The following CMTM4 variants were observed in gnomAD, a reference collection of about 807,000 sequenced individuals.
CMTM4 encodes CKLF like MARVEL transmembrane domain containing 4.
Under a neutral mutation model 19.0 loss-of-function variants are expected in CMTM4, and 8 were observed. The ratio of observed to expected loss-of-function variants is 0.42; its 90% CI spans 0.25 to 0.76. CMTM4 has a LOEUF of 0.76. Ranked by LOEUF, CMTM4 falls within the 30% of genes least tolerant of loss-of-function variation. The pLI, the probability that CMTM4 is intolerant of heterozygous loss-of-function variation, is 0.27. For missense variants in CMTM4, 228 were observed against 290.2 expected (o/e 0.79, Z 1.56); for synonymous variants, 106 against 121.1 (o/e 0.88, Z 0.82).
the CMTM4 span, among the ~76,000 whole-genome samples, chr16:66,602,051 A>G: frequency 1.3e-5 from 2 of 152,240 alleles, no homozygotes; most frequent in African/African-American, 2.4e-5. Flanking sequence ...CACGGCTGCC[A>G]TCAAAAGTGA....
chr16:66,683,133 ATATATATATATATG>A lies in CMTM4; in HGVS notation c.186+13193_186+13206del, dbSNP rs1261928392. Among the ~76,000 whole-genome samples the A allele has an allele frequency of 2.2e-4, 28 of 129,550 alleles. 1 individual carries two copies. The highest frequency in any genetic ancestry group is 1.8e-3 in the Admixed American group (21 of 11,658). 85.0% of individuals were successfully genotyped at this position (129,550 alleles called of 152,430 possible). ...GTTGTGTGTGTGTGTGTGTGTGTATATATATATATATATGTATATATATATACGTATATATATAT... is the reference window on the plus strand; with the variant it reads ...GTTGTGTGTGTGTGTGTGTGTGTATATATATATATATACGTATATATATAT... On this transcript the variant is annotated intron_variant, in intron 1 of 3. Transcript: ENST00000394106.
At position 66,683,169 on chromosome 16, in the gene CMTM4, A is replaced by ATACATG. The variant is rs1278881776; in HGVS notation, c.186+13170_186+13171insCATGTA. On this transcript the variant is annotated intron_variant, in intron 1 of 3. Transcript: ENST00000394106. ...TATGTATATATATATACGTATATAT[A>ATACATG]TATATACATATGTATATATATATAC... Among the ~76,000 whole-genome samples the ATACATG allele has an allele frequency of 2.5e-4, 21 of 84,416 alleles. No individual in the cohort carries two copies. The South Asian group carries it at 3.7e-3, about 15-fold the overall frequency. 55.4% of individuals were successfully genotyped at this position (84,416 alleles called of 152,430 possible).
chr16:66,600,136 G>GTGTT, the CMTM4 span, among the ~76,000 whole-genome samples: 12 of 135,162 alleles, frequency 8.9e-5, no homozygotes, highest in Middle Eastern at 3.9e-3. Context: ...GTGTGTGTGT[G>GTGTT]TTTTTTTTTG....
the CMTM4 span, chr16:66,608,385 T>G: frequency 6.2e-7 from 1 of 1,614,224 alleles, no homozygotes; most frequent in Non-Finnish European, 8.5e-7. The surrounding 1 kb of genome is among the most constrained non-coding windows in gnomAD (Gnocchi z 5.1). Context: ...CTGCTGGAGT[T>G]CCTGCTGGCC....
In CMTM4 at chr16:66,696,444, G is replaced by T; in HGVS notation, c.82C>A (p.Gln28Lys). 1 of 1,357,842 alleles carries T rather than the reference G, an allele frequency of 7.4e-7. No individual in the cohort carries two copies. The highest frequency in any genetic ancestry group is 9.5e-7 in the Non-Finnish European group (1 of 1,054,674). 84.1% of individuals were successfully genotyped at this position (1,357,842 alleles called of 1,614,324 possible). ...SMISGASSPYQPTTEPVSQRR... is the reference protein window; with the variant it reads ...SMISGASSPYKPTTEPVSQRR... ...TGGCTCACCGGCTCGGTGGTGGGCT[G>T]GTACGGGCTGCTGGCGCCCGAGATC... The change falls in exon 1 of 4, where the codon CAG becomes AAG. Residue 28 changes from glutamine (Q) to lysine (K), a missense_variant. Gln to Lys is a moderately conservative substitution (Grantham distance 53). This residue lies in a region of CMTM4 where 21 missense variants were observed against 43.1 expected (regional missense o/e 0.49). Transcript: ENST00000394106. The surrounding 1 kb of genome is among the most constrained non-coding windows in gnomAD (Gnocchi z 4.3).
intron 2 of CMTM4, among the ~76,000 whole-genome samples, chr16:66,625,326 C>T (rs573185986): frequency 1.3e-4 from 20 of 151,250 alleles, no homozygotes; most frequent in Admixed American, 6.6e-4. Flanking sequence ...CCCAGCTACT[C>T]GGGAGGCTGA....
chr16:66,693,862 A>C (rs2017180945), intron 1 of CMTM4, among the ~76,000 whole-genome samples: 1 of 152,094 alleles, frequency 6.6e-6, no homozygotes, highest in Non-Finnish European at 1.5e-5. Context: ...CTCTACCAAA[A>C]ATACAAAAAA....
chr16:66,636,849 C>A (rs2016002136), intron 1 of CMTM4, among the ~76,000 whole-genome samples: 1 of 152,128 alleles, frequency 6.6e-6, no homozygotes, highest in Admixed American at 6.6e-5. Flanking sequence ...GTGATGTGGC[C>A]CCCGGGTGTA....
At chr16:66,599,484 GTTGT>G in the CMTM4 span, among the ~76,000 whole-genome samples, 6,572 of 150,440 alleles carry the variant, frequency 0.044, 242 homozygotes, top group East Asian at 0.11. Context: ...TTGTTTGCTT[GTTGT>G]TTGTTTGTTT....
chr16:66,630,483 C>T (rs1303406237), intron 2 of CMTM4, among the ~76,000 whole-genome samples: 7 of 151,914 alleles, frequency 4.6e-5, no homozygotes, highest in African/African-American at 1.7e-4. Context: ...GGATTGCAGG[C>T]GCGCGCCGCC....
chr16:66,610,003 G>A (rs774194406), downstream of CMTM4: 2 of 1,614,202 alleles, frequency 1.2e-6, no homozygotes, highest in Non-Finnish European at 8.5e-7. This position sits in a 1 kb window ranked among gnomAD's most constrained non-coding sequence, Gnocchi z 4.6. Context: ...CAAGACAGAA[G>A]GTAAGCGGCT....
chr16:66,666,276 C>A (rs2016592366), intron 1 of CMTM4, among the ~76,000 whole-genome samples: 1 of 151,870 alleles, frequency 6.6e-6, no homozygotes, highest in Admixed American at 6.6e-5. Flanking sequence ...CACGGTGAAA[C>A]CCCGTCTCTA....
In CMTM4 at chr16:66,689,955, T is replaced by C. The variant is rs75967568; in HGVS notation, c.186+6385A>G. On this transcript the variant is annotated intron_variant, in intron 1 of 3. Coordinates refer to ENST00000394106, the MANE Select transcript of CMTM4 (RefSeq NM_181521.3). ...GGTTTTGTAAAACACATGTACGCTCTACATTTAACAACTTCTTTTGAGATC... is the reference window on the plus strand; with the variant it reads ...GGTTTTGTAAAACACATGTACGCTCCACATTTAACAACTTCTTTTGAGATC... Among the ~76,000 whole-genome samples, 551 of 152,342 alleles carry C rather than the reference T, an allele frequency of 3.6e-3. 4 individuals carry two copies. The highest frequency in any genetic ancestry group is 0.013 in the African/African-American group (523 of 41,576).
Position 66,617,242 on chromosome 16 carries a change from G to A in CMTM4, c.*4816C>T. 1 of 1,599,640 alleles carries A rather than the reference G, an allele frequency of 6.3e-7. No homozygotes were observed. The highest frequency in any genetic ancestry group is 8.5e-7 in the Non-Finnish European group (1 of 1,170,710). Reference sequence around the variant, plus strand: ...GACAACAAACTTACCCTATGAAATAGATACACAGTTCAAGGACCCATCATC... The same window carrying A: ...GACAACAAACTTACCCTATGAAATAAATACACAGTTCAAGGACCCATCATC... On this transcript the variant is annotated 3_prime_UTR_variant, in exon 4 of 4. Transcript: ENST00000394106.
chr16:66,624,878 G>A (rs2015705353), intron 2 of CMTM4, among the ~76,000 whole-genome samples: 1 of 152,236 alleles, frequency 6.6e-6, no homozygotes, highest in Non-Finnish European at 1.5e-5. Context: ...CTGCTCAGAC[G>A]CATCTGCCAG....
At chr16:66,626,165 C>T (rs1009428461) in intron 2 of CMTM4, among the ~76,000 whole-genome samples, 1 of 152,144 alleles carries the variant, frequency 6.6e-6, no homozygotes, top group Non-Finnish European at 1.5e-5. Flanking sequence ...CCAGGCACAG[C>T]AGCTCATGCC....
chr16:66,693,034 G>A (rs2017165313), intron 1 of CMTM4, among the ~76,000 whole-genome samples: 1 of 151,854 alleles, frequency 6.6e-6, no homozygotes, highest in African/African-American at 2.4e-5. Context: ...GACCAGCCTA[G>A]CCAACATGAC....
At chr16:66,688,527 A>C (rs78317817) in intron 1 of CMTM4, among the ~76,000 whole-genome samples, 4 of 148,480 alleles carry the variant, frequency 2.7e-5, no homozygotes, top group Non-Finnish European at 6.0e-5. Flanking sequence ...CACTCCCCTC[A>C]ACACACACAC....
chr16:66,617,306 G>A lies in CMTM4; in HGVS notation c.*4752C>T. Reference sequence around the variant, plus strand: ...GCAAGTTGCCAGTGATTCAAACTCAGCAGGTTTGTGGGTGATTTTTTCCTT... The same window carrying A: ...GCAAGTTGCCAGTGATTCAAACTCAACAGGTTTGTGGGTGATTTTTTCCTT... On this transcript the variant is annotated 3_prime_UTR_variant, in exon 4 of 4. Coordinates refer to ENST00000394106, the MANE Select transcript of CMTM4 (RefSeq NM_181521.3). 3 of 1,614,124 alleles carry A rather than the reference G, an allele frequency of 1.9e-6. No homozygotes were observed. In the South Asian group the frequency reaches 3.3e-5, roughly 18 times the overall value.
Sources: gnomAD v4.1 joint callset for allele counts (sites outside exome capture counted in the v4.1 genomes callset) on GRCh38, gnomAD v4.1.1 for gene constraint, gnomAD v4.1.1 regional missense constraint, Gnocchi (gnomAD v3.1) non-coding constraint, MANE v1.5 for transcripts, NCBI Gene and HGNC (gene_info 2026-07-23, HGNC 2026-07-21) for gene names.